The following GSE1 variants were observed in gnomAD, a reference collection of about 807,000 sequenced individuals.
GSE1 encodes Gse1 coiled-coil protein.
GSE1 carries 32 observed loss-of-function variants against 112.6 expected under a neutral mutation model. That is an observed-to-expected ratio of 0.28 (90% CI 0.21 to 0.38). The LOEUF is 0.38. Among genes scored for constraint, GSE1 ranks in the 10% least tolerant of loss-of-function variants. The probability of loss-of-function intolerance (pLI) is 1.00; values close to 1 mark genes in which losing one functional copy is unlikely to be tolerated. For missense variants in GSE1, 2,348 were observed against 1,699.2 expected (o/e 1.38, Z -6.71); for synonymous variants, 1,115 against 735.6 (o/e 1.52, Z -8.35).
At chr16:85,345,626 C>T (rs1315230678) in intron 1 of GSE1, among the ~76,000 whole-genome samples, 1 of 152,212 alleles carries the variant, frequency 6.6e-6, no homozygotes, top group Non-Finnish European at 1.5e-5. Context: ...TTTCTCCACC[C>T]ACCCGCCCTT....
At chr16:85,208,774 G>T (rs1218707599) in intron 1 of GSE1, among the ~76,000 whole-genome samples, 1 of 151,870 alleles carries the variant, frequency 6.6e-6, no homozygotes, top group Non-Finnish European at 1.5e-5. Flanking sequence ...GTGGGGGTGG[G>T]GTTCGCCGCG....
In GSE1 at chr16:85,501,282, G is replaced by A. The variant is rs182054436; in HGVS notation, c.2465-132632G>A. On this transcript the variant is annotated intron_variant, in intron 2 of 2. Transcript: ENST00000637419. ...CTCCCAAAGTGCTGGGATTACAGGC[G>A]TGAGCCACCGCACCCAGCCAAGTAT... Among the ~76,000 whole-genome samples, 656 of 152,026 alleles carry A rather than the reference G, an allele frequency of 4.3e-3. 3 individuals carry two copies. Among genetic ancestry groups the A allele is most frequent in the African/African-American group, 0.015 (617 of 41,454 alleles).
intron 2 of GSE1, among the ~76,000 whole-genome samples, chr16:85,481,736 G>T (rs1016350659): frequency 9.2e-5 from 14 of 152,228 alleles, no homozygotes; most frequent in Non-Finnish European, 1.5e-4. Flanking sequence ...ATGCATTTAG[G>T]AGGACTCTGC....
At chr16:85,489,802 G>A (rs987754594) in intron 2 of GSE1, 1 of 152,282 alleles carries the variant, frequency 6.6e-6, no homozygotes, top group South Asian at 2.1e-4. Context: ...GTTGAGATGA[G>A]GTCACATGGG....
intron 1 of GSE1, among the ~76,000 whole-genome samples, chr16:85,326,154 TG>T (rs752590308): frequency 1.3e-5 from 2 of 152,060 alleles, no homozygotes; most frequent in Non-Finnish European, 2.9e-5. Flanking sequence ...CATACATCTC[TG>T]GAATCGGTGC....
intron 2 of GSE1, among the ~76,000 whole-genome samples, chr16:85,413,925 C>T (rs147666700): frequency 7.4e-4 from 112 of 152,300 alleles, no homozygotes; most frequent in African/African-American, 2.6e-3. Context: ...GGCCCTTCCC[C>T]CTTTGCTCAG....
chr16:85,530,641 A>G (rs1339206972), intron 2 of GSE1, among the ~76,000 whole-genome samples: 1 of 152,250 alleles, frequency 6.6e-6, no homozygotes, highest in Non-Finnish European at 1.5e-5. Flanking sequence ...CCCAGGGGAC[A>G]GGTGCGTTCA....
intron 14 of GSE1, 44 bp downstream of exon 14, chr16:85,668,468 A>G (rs773216358): frequency 3.7e-6 from 5 of 1,346,424 alleles, no homozygotes; most frequent in Non-Finnish European, 5.1e-6. Context: ...TCAGGAAAGT[A>G]CCTTTGGAAA....
chr16:85,588,951 A>C (rs1288128287), intron 1 of GSE1, among the ~76,000 whole-genome samples: 1 of 152,068 alleles, frequency 6.6e-6, no homozygotes, highest in Admixed American at 6.5e-5. Context: ...ACTCACACAT[A>C]TTCACACACA....
intron 14 of GSE1, 31 bp downstream of exon 14, chr16:85,668,455 G>T: frequency 7.0e-7 from 1 of 1,427,508 alleles, no homozygotes. Context: ...AGGGGGGAGG[G>T]GGTCAGGAAA....
In GSE1 at chr16:85,571,051, A is replaced by G. The variant is rs138474975; in HGVS notation, c.37+14688A>G. 5.2e-3 allele frequency among the ~76,000 whole-genome samples: 789 copies of G among 152,258 alleles called. 3 individuals carry two copies. The highest frequency in any genetic ancestry group is 9.0e-3 in the Non-Finnish European group (612 of 68,008). ...AGGTGTGAAGAGGAGAGTGGTTTTT[A>G]TCTCAGCATGCCACAAACTGTACTG... On this transcript the variant is annotated intron_variant, in intron 1 of 2. Coordinates refer to the GSE1 transcript ENST00000635906.
chr16:85,506,195 G>C (rs887411182), intron 2 of GSE1, among the ~76,000 whole-genome samples: 1 of 152,208 alleles, frequency 6.6e-6, no homozygotes, highest in African/African-American at 2.4e-5. Flanking sequence ...GCAATGTCCT[G>C]TGTGTGGTGC....
intron 2 of GSE1, among the ~76,000 whole-genome samples, chr16:85,480,195 G>A (rs1428927197): frequency 6.6e-6 from 1 of 152,244 alleles, no homozygotes; most frequent in African/African-American, 2.4e-5. Context: ...CCAGCCAGGA[G>A]TAAGACTCAG....
intron 1 of GSE1, among the ~76,000 whole-genome samples, chr16:85,271,233 A>G (rs1239202539): frequency 2.0e-5 from 3 of 152,126 alleles, no homozygotes; most frequent in African/African-American, 7.2e-5. Flanking sequence ...AGAGCCCCCA[A>G]GCAGGATCGA....
intron 2 of GSE1, among the ~76,000 whole-genome samples, chr16:85,494,594 G>C (rs1052039512): frequency 1.3e-5 from 2 of 152,022 alleles, no homozygotes; most frequent in African/African-American, 4.8e-5. Flanking sequence ...TGTAGAGAGA[G>C]GGTTTTGCCA....
chr16:85,520,972 G>A (rs1051224588), intron 2 of GSE1, among the ~76,000 whole-genome samples: 4 of 152,120 alleles, frequency 2.6e-5, no homozygotes, highest in Non-Finnish European at 5.9e-5. Flanking sequence ...CAGACAGACC[G>A]GTCCAACAGG....
chr16:85,452,279 T>C (rs1404734274), intron 2 of GSE1, among the ~76,000 whole-genome samples: 2 of 152,140 alleles, frequency 1.3e-5, no homozygotes, highest in Admixed American at 6.5e-5. Context: ...AGCGCGGTTA[T>C]TTATTTATTT....
At chr16:85,293,019 G>A (rs777429363) in intron 1 of GSE1, among the ~76,000 whole-genome samples, 2 of 152,178 alleles carry the variant, frequency 1.3e-5, no homozygotes, top group Non-Finnish European at 2.9e-5. Flanking sequence ...TTTGACAAGC[G>A]TGTACGGTTG....
At chr16:85,498,849 T>C (rs1333748845) in intron 2 of GSE1, among the ~76,000 whole-genome samples, 1 of 152,130 alleles carries the variant, frequency 6.6e-6, no homozygotes, top group Non-Finnish European at 1.5e-5. Flanking sequence ...CAGCCACCCT[T>C]CCCCCTGCAG....
Sources: allele counts gnomAD v4.1 joint callset (sites outside exome capture counted in the v4.1 genomes callset), GRCh38; gene constraint gnomAD v4.1.1; transcripts MANE v1.5; gene names NCBI Gene and HGNC (gene_info 2026-07-23, HGNC 2026-07-21).